Variants in ARHGAP15 observed in about 807,000 individuals in gnomAD.
ARHGAP15 encodes the protein rho GTPase-activating protein 15.
ARHGAP15 carries 51 observed loss-of-function variants against 63.7 expected under a neutral mutation model. The observed-to-expected ratio is 0.80, with a 90% confidence interval of 0.64 to 1.01. The LOEUF (loss-of-function observed/expected upper bound fraction) is 1.01. Among genes scored for constraint, ARHGAP15 ranks in the 50% least tolerant of loss-of-function variants. ARHGAP15 has a pLI of 0.00. For synonymous variants in ARHGAP15, 191 were observed against 193.8 expected (o/e 0.99, Z 0.12); for missense variants, 560 against 564.6 (o/e 0.99, Z 0.08).
At chr2:143,380,390 A>G (rs548051420) in intron 6 of ARHGAP15, among the ~76,000 whole-genome samples, 1 of 152,252 alleles carries the variant, frequency 6.6e-6, no homozygotes, top group Admixed American at 6.5e-5. Flanking sequence ...ACCATATGGT[A>G]TCATTCTGAC....
chr2:143,564,640 G>A (rs1696151826), intron 11 of ARHGAP15, among the ~76,000 whole-genome samples: 1 of 152,058 alleles, frequency 6.6e-6, no homozygotes, highest in Non-Finnish European at 1.5e-5. Flanking sequence ...TGAAAAAAGG[G>A]GAAATAGACC....
chr2:143,485,169 C>T (rs934673897), intron 8 of ARHGAP15, among the ~76,000 whole-genome samples: 1 of 152,120 alleles, frequency 6.6e-6, no homozygotes, highest in Non-Finnish European at 1.5e-5. Context: ...TGGTTTGCTG[C>T]AACTATCAAC....
intron 6 of ARHGAP15, among the ~76,000 whole-genome samples, chr2:143,258,876 AAC>A (rs1680563964): frequency 6.6e-6 from 1 of 152,192 alleles, no homozygotes; most frequent in Non-Finnish European, 1.5e-5. Context: ...GAGAAATTCT[AAC>A]AGTCTCACTT....
intron 4 of ARHGAP15, among the ~76,000 whole-genome samples, chr2:143,218,277 C>CTTTTTTTTTTTTTTT (rs762494225): frequency 9.0e-4 from 83 of 92,038 alleles, no homozygotes; most frequent in South Asian, 1.6e-3. Flanking sequence ...TTTAGTTTTC[C>CTTTTTTTTTTTTTTT]TTTTTTTTTT....
chr2:143,553,551 C>T (rs1342801438), intron 10 of ARHGAP15, among the ~76,000 whole-genome samples: 1 of 152,192 alleles, frequency 6.6e-6, no homozygotes, highest in African/African-American at 2.4e-5. Flanking sequence ...GTCTGATTTA[C>T]CCTCCCTGTC....
intron 8 of ARHGAP15, among the ~76,000 whole-genome samples, chr2:143,455,528 A>G (rs1383691194): frequency 6.6e-6 from 1 of 152,084 alleles, no homozygotes; most frequent in African/African-American, 2.4e-5. Context: ...GCTATTCAAG[A>G]TGGAGTTGCT....
rs767920262 is a variant in ARHGAP15, at chr2:143,651,523, G to A, written c.1138+27256G>A. Among the ~76,000 whole-genome samples, 4 of 152,072 alleles carry A rather than the reference G, an allele frequency of 2.6e-5. No homozygotes were observed. In the East Asian group the frequency reaches 7.7e-4, roughly 29 times the overall value. On this transcript the variant is annotated intron_variant, in intron 12 of 13. Coordinates refer to ENST00000295095, the MANE Select transcript of ARHGAP15 (RefSeq NM_018460.4). ...GTTTGGGCTTATTACAAATAAAGCT[G>A]CAATGAATACTTGTGTATAAGCCTT...
intron 11 of ARHGAP15, among the ~76,000 whole-genome samples, chr2:143,571,094 T>C (rs574973057): frequency 6.6e-6 from 1 of 152,258 alleles, no homozygotes; most frequent in African/African-American, 2.4e-5. Flanking sequence ...GGGATCTAGG[T>C]TGCATGCTCC....
intron 12 of ARHGAP15, among the ~76,000 whole-genome samples, chr2:143,657,446 G>A (rs1681513959): frequency 6.6e-6 from 1 of 152,198 alleles, no homozygotes; most frequent in Admixed American, 6.5e-5. Flanking sequence ...CAGAAAAATA[G>A]TATGTCGCTG....
chr2:143,694,430 A>C (rs1249329391), intron 12 of ARHGAP15, among the ~76,000 whole-genome samples: 1 of 152,230 alleles, frequency 6.6e-6, no homozygotes, highest in East Asian at 1.9e-4. Flanking sequence ...AGACCAGTGC[A>C]GGTAACGGCT....
chr2:143,305,694 A>C (rs185106269), intron 6 of ARHGAP15, among the ~76,000 whole-genome samples: 12 of 152,262 alleles, frequency 7.9e-5, no homozygotes, highest in Admixed American at 7.9e-4. Flanking sequence ...AGATATATCA[A>C]ACTTGAGATA....
chr2:143,528,944 C>T (rs1284506440), intron 10 of ARHGAP15, among the ~76,000 whole-genome samples: 1 of 152,084 alleles, frequency 6.6e-6, no homozygotes, highest in African/African-American at 2.4e-5. Context: ...TTGACTCTGA[C>T]ATTTCATGCT....
intron 12 of ARHGAP15, among the ~76,000 whole-genome samples, chr2:143,685,639 A>T (rs1683300703): frequency 6.6e-6 from 1 of 152,206 alleles, no homozygotes; most frequent in Non-Finnish European, 1.5e-5. Flanking sequence ...GGTCTGTGTT[A>T]GCAGGGTTCG....
At chr2:143,732,048 A>C (rs1685560187) in intron 13 of ARHGAP15, among the ~76,000 whole-genome samples, 1 of 152,212 alleles carries the variant, frequency 6.6e-6, no homozygotes, top group Admixed American at 6.5e-5. Flanking sequence ...AAAATCACTA[A>C]ATATTTGTGA....
intron 12 of ARHGAP15, among the ~76,000 whole-genome samples, chr2:143,637,894 GA>G (rs1324956634): frequency 1.3e-5 from 2 of 152,052 alleles, no homozygotes; most frequent in African/African-American, 2.4e-5. Context: ...AAAAACACAT[GA>G]AAAAATGCTC....
chr2:143,688,145 A>T (rs577027863), intron 12 of ARHGAP15, among the ~76,000 whole-genome samples: 2 of 152,182 alleles, frequency 1.3e-5, no homozygotes, highest in African/African-American at 2.4e-5. Flanking sequence ...GAAAATTCAT[A>T]TGTAATACCT....
chr2:143,673,758 G>GTGTGTGTGTGTATATATATA (rs1553520615), intron 12 of ARHGAP15, among the ~76,000 whole-genome samples: 10 of 22,126 alleles, frequency 4.5e-4, no homozygotes, highest in Non-Finnish European at 5.7e-4. Context: ...GTGTGTGTGT[G>GTGTGTGTGTGTATATATATA]TATATATATA....
intron 13 of ARHGAP15, among the ~76,000 whole-genome samples, chr2:143,723,536 A>G (rs551590941): frequency 6.6e-6 from 1 of 152,278 alleles, no homozygotes; most frequent in Admixed American, 6.5e-5. Flanking sequence ...AAGGACTGGA[A>G]AGAGTCCCAG....
chr2:143,681,880 T>C (rs1683115292), intron 12 of ARHGAP15, among the ~76,000 whole-genome samples: 9 of 152,200 alleles, frequency 5.9e-5, no homozygotes, highest in Admixed American at 5.9e-4. Context: ...TGGTGCCCTA[T>C]TCATAGTGTC....
Sources: gnomAD v4.1 joint callset for allele counts (sites outside exome capture counted in the v4.1 genomes callset) on GRCh38, gnomAD v4.1.1 for gene constraint, MANE v1.5 for transcripts, NCBI Gene and HGNC (gene_info 2026-07-23, HGNC 2026-07-21) for gene names.